The following PLA2G12A variants were observed in gnomAD, a reference collection of about 807,000 sequenced individuals.
PLA2G12A encodes the protein group XIIA secretory phospholipase A2.
PLA2G12A carries 11 observed loss-of-function variants against 16.0 expected under a neutral mutation model. The ratio of observed to expected loss-of-function variants is 0.69; its 90% CI spans 0.43 to 1.13. The LOEUF (loss-of-function observed/expected upper bound fraction) is 1.13. Among genes scored for constraint, PLA2G12A ranks in the 50% most tolerant of loss-of-function variants. PLA2G12A has a pLI of 0.00. For missense variants in PLA2G12A, 214 were observed against 237.3 expected (o/e 0.90, Z 0.65); for synonymous variants, 77 against 93.8 (o/e 0.82, Z 1.03).
chr4:109,712,796 G>A lies in PLA2G12A; in HGVS notation c.*1581C>T, dbSNP rs958428061. ...TAGGTGTGAGCCACTGTGCCCAGCC[G>A]ATAAGCATTAATTATTAATAATGGC... On this transcript the variant is annotated 3_prime_UTR_variant, in exon 4 of 4. Transcript: ENST00000243501. The A allele has an allele frequency of 2.6e-5, 4 of 152,036 alleles. No individual in the cohort carries two copies. Among genetic ancestry groups the A allele is most frequent in the East Asian group, 1.9e-4 (1 of 5,182 alleles). 9.4% of individuals were successfully genotyped at this position (152,036 alleles called of 1,614,324 possible).
At chr4:109,720,034 C>G (rs902886170) in intron 1 of PLA2G12A, among the ~76,000 whole-genome samples, 2 of 152,224 alleles carry the variant, frequency 1.3e-5, no homozygotes, top group African/African-American at 4.8e-5. Flanking sequence ...TTTCCCACAA[C>G]CCTCCTACAT....
chr4:109,721,914 T>C (rs1730952296), intron 1 of PLA2G12A, among the ~76,000 whole-genome samples: 2 of 152,124 alleles, frequency 1.3e-5, no homozygotes, highest in Admixed American at 1.3e-4. Context: ...AATCACTTCT[T>C]ACCACCTCCA....
intron 1 of PLA2G12A, among the ~76,000 whole-genome samples, chr4:109,719,069 G>T (rs894501429): frequency 1.3e-5 from 2 of 152,150 alleles, no homozygotes; most frequent in African/African-American, 4.8e-5. Context: ...GACTTCTGGA[G>T]ATTTCAGAGG....
intron 3 of PLA2G12A, among the ~76,000 whole-genome samples, 159 bp downstream of exon 3, chr4:109,717,389 T>A (rs1054782895): frequency 1.3e-5 from 2 of 152,230 alleles, no homozygotes; most frequent in African/African-American, 2.4e-5. Flanking sequence ...CATTTTAGAT[T>A]ATAAAATCAT....
rs964581823 is a variant in PLA2G12A, at chr4:109,710,296, T to C, written c.*4081A>G. ...CAGTCAACTATTAATAACAGAATTGTTTTTATAGAAAGATTCCATCTTCTT... is the reference window on the plus strand; with the variant it reads ...CAGTCAACTATTAATAACAGAATTGCTTTTATAGAAAGATTCCATCTTCTT... On this transcript the variant is annotated 3_prime_UTR_variant, in exon 4 of 4. Coordinates refer to ENST00000243501, the MANE Select transcript of PLA2G12A (RefSeq NM_030821.5). The C allele has an allele frequency of 5.3e-5, 8 of 152,236 alleles. No individual in the cohort carries two copies. The highest frequency in any genetic ancestry group is 1.9e-4 in the African/African-American group (8 of 41,456). The allele number at this position is 152,236 out of a possible 1,614,324, so 9.4% of individuals were successfully genotyped here.
chr4:109,718,927 G>T (rs1730874225), intron 1 of PLA2G12A, among the ~76,000 whole-genome samples, 168 bp from the exon 2 acceptor site: 1 of 152,104 alleles, frequency 6.6e-6, no homozygotes, highest in Non-Finnish European at 1.5e-5. Flanking sequence ...ATGCTAATTA[G>T]ACTTTTTATT....
At chr4:109,726,002 C>G (rs1722927679) in intron 1 of PLA2G12A, among the ~76,000 whole-genome samples, 1 of 152,202 alleles carries the variant, frequency 6.6e-6, no homozygotes, top group Non-Finnish European at 1.5e-5. Flanking sequence ...TCCCCATCTT[C>G]TCTGTCAGCT....
intron 1 of PLA2G12A, among the ~76,000 whole-genome samples, chr4:109,727,647 G>A (rs1296305097): frequency 6.6e-6 from 1 of 151,950 alleles, no homozygotes; most frequent in African/African-American, 2.4e-5. Context: ...TAAAAAGAAA[G>A]ATTAAGCCAG....
At chr4:109,724,627 G>A (rs1436492033) in intron 1 of PLA2G12A, among the ~76,000 whole-genome samples, 1 of 152,074 alleles carries the variant, frequency 6.6e-6, no homozygotes, top group East Asian at 1.9e-4. Context: ...TTTCTCATAA[G>A]AGATAATTAC....
intron 1 of PLA2G12A, among the ~76,000 whole-genome samples, chr4:109,721,373 G>A (rs536840285): frequency 6.7e-6 from 1 of 149,818 alleles, no homozygotes; most frequent in East Asian, 2.0e-4. Flanking sequence ...GCAAGCTGGA[G>A]TGCAATGGCG....
At chr4:109,720,396 G>A (rs1386875197) in intron 1 of PLA2G12A, among the ~76,000 whole-genome samples, 2 of 151,422 alleles carry the variant, frequency 1.3e-5, no homozygotes, top group Non-Finnish European at 2.9e-5. Flanking sequence ...GGGTAAAAAA[G>A]CAGCTCTTTC....
chr4:109,728,053 C>A (rs575100343), intron 1 of PLA2G12A, among the ~76,000 whole-genome samples: 7 of 152,336 alleles, frequency 4.6e-5, no homozygotes, highest in Admixed American at 2.0e-4. Context: ...CTTGCTATTC[C>A]CTCTGTCTGG....
At chr4:109,720,598 A>T (rs1730914069) in intron 1 of PLA2G12A, among the ~76,000 whole-genome samples, 12 of 26,238 alleles carry the variant, frequency 4.6e-4, no homozygotes, top group African/African-American at 1.9e-3. Context: ...AAAAAAAAAA[A>T]AAAAAAATAT....
At position 109,714,150 on chromosome 4, in the gene PLA2G12A, T is replaced by TA. The variant is rs1730785871; in HGVS notation, c.*226dup. 1 of 504,384 alleles carries TA rather than the reference T, an allele frequency of 2.0e-6. No homozygotes were observed. Among genetic ancestry groups the TA allele is most frequent in the Non-Finnish European group, 3.6e-6 (1 of 279,664 alleles). The allele number at this position is 504,384 out of a possible 1,614,324, so 31.2% of individuals were successfully genotyped here. A position where few individuals can be genotyped will look rare whatever the true frequency, so the allele number is the denominator to read the frequency against. On this transcript the variant is annotated 3_prime_UTR_variant, in exon 4 of 4. Coordinates refer to ENST00000243501, the MANE Select transcript of PLA2G12A (RefSeq NM_030821.5). ...TGGTCAAGACATTTGGCATACTAAG[T>TA]AAGGGAGCAATGCTGGGGAAGATAC... is the stretch of plus-strand genomic sequence containing the variant.
rs1722994037 is a variant in PLA2G12A, at chr4:109,729,123, C to T, written c.208+479G>A. 2.0e-5 allele frequency among the ~76,000 whole-genome samples: 3 copies of T among 152,062 alleles called. No homozygotes were observed. The South Asian group carries it at 6.2e-4, about 32-fold the overall frequency. On this transcript the variant is annotated intron_variant, in intron 1 of 3. Coordinates refer to ENST00000243501, the MANE Select transcript of PLA2G12A (RefSeq NM_030821.5). The stretch of plus-strand genomic sequence containing the variant: ...ACACCAAAAGTCTGTACAAAGGTCG[C>T]AAGTTATTGTCTATGGGTTTGCAGA...
intron 3 of PLA2G12A, among the ~76,000 whole-genome samples, chr4:109,716,885 A>T (rs906124356): frequency 4.6e-5 from 7 of 152,316 alleles, no homozygotes; most frequent in Admixed American, 6.5e-5. Flanking sequence ...GTATGGTCTG[A>T]ATGTTTGTGT....
In PLA2G12A at chr4:109,710,037, A is replaced by C. The variant is rs906074713; in HGVS notation, c.*4340T>G. 1.3e-5 allele frequency: 2 copies of C among 152,204 alleles called. No individual in the cohort carries two copies. The highest frequency in any genetic ancestry group is 2.9e-5 in the Non-Finnish European group (2 of 68,038). The allele number at this position is 152,204 out of a possible 1,614,324, so 9.4% of individuals were successfully genotyped here. A position where few individuals can be genotyped will look rare whatever the true frequency, so the allele number is the denominator to read the frequency against. On this transcript the variant is annotated 3_prime_UTR_variant, in exon 4 of 4. Coordinates refer to ENST00000243501, the MANE Select transcript of PLA2G12A (RefSeq NM_030821.5). ...TTATTATTTTTCGTATACCGGTTGC[A>C]CTGATTCATTTTTGCTCTTTTATTT...
At chr4:109,720,624 T>G (rs1159529249) in intron 1 of PLA2G12A, among the ~76,000 whole-genome samples, 1 of 117,214 alleles carries the variant, frequency 8.5e-6, no homozygotes, top group Non-Finnish European at 1.7e-5. Flanking sequence ...TATATATATA[T>G]ATATATATAT....
rs1404780634 is a variant in PLA2G12A, at chr4:109,714,207, T to TATAG, written c.*169_*170insCTAT. The TATAG allele has an allele frequency of 1.6e-6, 1 of 630,066 alleles. No individual in the cohort carries two copies. Among genetic ancestry groups the TATAG allele is most frequent in the East Asian group, 2.6e-5 (1 of 37,976 alleles). The allele number at this position is 630,066 out of a possible 1,614,324, so 39.0% of individuals were successfully genotyped here. ...AGACAAGCGTGCCCTCCCCTCACTA[T>TATAG]CTCCCTCACTTTTTTTGCTTTGAGG... On this transcript the variant is annotated 3_prime_UTR_variant, in exon 4 of 4. Transcript: ENST00000243501.
Sources: allele counts gnomAD v4.1 joint callset (sites outside exome capture counted in the v4.1 genomes callset), GRCh38; gene constraint gnomAD v4.1.1; transcripts MANE v1.5; gene names NCBI Gene and HGNC (gene_info 2026-07-23, HGNC 2026-07-21).